LHFPL3: variants seen among roughly 807,000 people sequenced by gnomAD.
LHFPL3 encodes the protein LHFPL tetraspan subfamily member 3, also known as LHFPL tetraspan subfamily member 3 protein.
Under a neutral mutation model 19.3 loss-of-function variants are expected in LHFPL3, and 5 were observed. The ratio of observed to expected loss-of-function variants is 0.26; its 90% CI spans 0.14 to 0.54. The LOEUF (loss-of-function observed/expected upper bound fraction) is 0.54, where lower values mean the gene tolerates loss of function less well. LHFPL3 is among the 20% of genes least tolerant of loss of function. The pLI is 0.94. For synonymous variants in LHFPL3, 133 were observed against 126.2 expected (o/e 1.05, Z -0.36); for missense variants, 249 against 307.4 (o/e 0.81, Z 1.42).
intron 2 of LHFPL3, among the ~76,000 whole-genome samples, chr7:104,826,112 A>C (rs1279640416): frequency 1.3e-5 from 2 of 151,968 alleles, no homozygotes; most frequent in Admixed American, 6.5e-5. Context: ...GTTATTATTT[A>C]ATTCATTCTT....
At chr7:104,390,464 T>C (rs1211784856) in intron 1 of LHFPL3, among the ~76,000 whole-genome samples, 2 of 152,098 alleles carry the variant, frequency 1.3e-5, no homozygotes, top group Non-Finnish European at 2.9e-5. Context: ...TGTGATAGTT[T>C]GCTGAGAATG....
chr7:104,859,248 C>A (rs1214250235), intron 2 of LHFPL3, among the ~76,000 whole-genome samples: 3 of 145,904 alleles, frequency 2.1e-5, no homozygotes, highest in Non-Finnish European at 4.5e-5. Context: ...GCCTGGGCAA[C>A]AGAGTAAGAC....
intron 1 of LHFPL3, among the ~76,000 whole-genome samples, chr7:104,603,028 A>G (rs533047237): frequency 6.6e-6 from 1 of 152,148 alleles, no homozygotes; most frequent in Non-Finnish European, 1.5e-5. Context: ...CAACACTGTT[A>G]CAATGAGGAT....
intron 1 of LHFPL3, among the ~76,000 whole-genome samples, chr7:104,460,105 G>C (rs1342772091): frequency 1.3e-5 from 2 of 152,026 alleles, no homozygotes; most frequent in African/African-American, 2.4e-5. Flanking sequence ...TGTGGTATTT[G>C]GTTTTCTGTT....
At chr7:104,646,000 A>T (rs979518962) in intron 1 of LHFPL3, among the ~76,000 whole-genome samples, 4 of 152,246 alleles carry the variant, frequency 2.6e-5, no homozygotes, top group Admixed American at 1.3e-4. Flanking sequence ...TCTCCTGGAT[A>T]GGCTCCCCCA....
At chr7:104,687,966 G>T (rs930480139) in intron 1 of LHFPL3, among the ~76,000 whole-genome samples, 3 of 152,166 alleles carry the variant, frequency 2.0e-5, no homozygotes, top group Admixed American at 2.0e-4. Flanking sequence ...AGTTCCTAAT[G>T]ACCATGCATG....
intron 2 of LHFPL3, among the ~76,000 whole-genome samples, chr7:104,838,105 T>C (rs961526236): frequency 6.6e-6 from 1 of 152,210 alleles, no homozygotes; most frequent in Non-Finnish European, 1.5e-5. Context: ...CTTACCTCAA[T>C]GACCCTGGCC....
At chr7:104,412,476 C>T (rs913912013) in intron 1 of LHFPL3, among the ~76,000 whole-genome samples, 9 of 151,900 alleles carry the variant, frequency 5.9e-5, no homozygotes, top group African/African-American at 2.2e-4. Context: ...CTAGACAACA[C>T]AAAGCACCAG....
At position 104,633,038 on chromosome 7, in the gene LHFPL3, G is replaced by GA. The variant is rs1791672721; in HGVS notation, c.446-103630dup. ...ATCTCAGAATACGTGGTTTTTTTAA[G>GA]AAAAAAATTTAAGTACAAAGGGTGA... On this transcript the variant is annotated intron_variant, in intron 1 of 2. Coordinates refer to ENST00000424859, the MANE Select transcript of LHFPL3 (RefSeq NM_199000.3). Among the ~76,000 whole-genome samples, 7 of 152,082 alleles carry GA rather than the reference G, an allele frequency of 4.6e-5. No homozygotes were observed. In the South Asian group the frequency reaches 1.5e-3, roughly 32 times the overall value.
At position 104,420,865 on chromosome 7, in the gene LHFPL3, C is replaced by A. The variant is rs921978382; in HGVS notation, c.445+91641C>A. Among the ~76,000 whole-genome samples, 4 of 152,102 alleles carry A rather than the reference C, an allele frequency of 2.6e-5. No individual in the cohort carries two copies. The South Asian group carries it at 8.3e-4, about 32-fold the overall frequency. ...GCGTGAGCCACCGCGCCCGGCCCCC[C>A]AAAGGGTGAATTCAGTATAGTAGCA... is the stretch of plus-strand genomic sequence containing the variant. On this transcript the variant is annotated intron_variant, in intron 1 of 2. Transcript: ENST00000424859.
chr7:104,613,941 G>A (rs1226620960), intron 1 of LHFPL3, among the ~76,000 whole-genome samples: 1 of 152,112 alleles, frequency 6.6e-6, no homozygotes, highest in South Asian at 2.1e-4. Flanking sequence ...TTGCCAATTA[G>A]CACATAAGTT....
At chr7:104,425,143 G>A (rs117795451) in intron 1 of LHFPL3, among the ~76,000 whole-genome samples, 2,346 of 152,118 alleles carry the variant, frequency 0.015, 33 homozygotes, top group Middle Eastern at 0.024. Flanking sequence ...ACATAGTAGG[G>A]CCCAGTGAAG....
At chr7:104,642,689 TC>T (rs1159043147) in intron 1 of LHFPL3, among the ~76,000 whole-genome samples, 1 of 152,184 alleles carries the variant, frequency 6.6e-6, no homozygotes, top group Non-Finnish European at 1.5e-5. Flanking sequence ...CCTCTCTGGT[TC>T]CTTCCCATAG....
At chr7:104,420,394 G>A (rs937581907) in intron 1 of LHFPL3, among the ~76,000 whole-genome samples, 1 of 152,108 alleles carries the variant, frequency 6.6e-6, no homozygotes, top group South Asian at 2.1e-4. Context: ...CAGGGAAACC[G>A]GTGGTAACAA....
chr7:104,691,783 A>G (rs962625030), intron 1 of LHFPL3, among the ~76,000 whole-genome samples: 3 of 152,240 alleles, frequency 2.0e-5, no homozygotes, highest in African/African-American at 4.8e-5. Context: ...AGTGGTTGGA[A>G]GAGTTTGGAG....
intron 1 of LHFPL3, among the ~76,000 whole-genome samples, chr7:104,508,044 A>G (rs1584367751): frequency 6.7e-6 from 1 of 148,458 alleles, no homozygotes; most frequent in South Asian, 2.2e-4. Flanking sequence ...TGTGGAAGTC[A>G]GTGTGGTGAT....
chr7:104,367,235 C>T (rs1383611058), intron 1 of LHFPL3, among the ~76,000 whole-genome samples: 5 of 152,166 alleles, frequency 3.3e-5, no homozygotes, highest in Non-Finnish European at 7.3e-5. Context: ...AAAGTTTCTA[C>T]CTTTACTACA....
intron 1 of LHFPL3, among the ~76,000 whole-genome samples, chr7:104,591,631 C>T (rs970277017): frequency 2.0e-5 from 3 of 152,084 alleles, no homozygotes; most frequent in Non-Finnish European, 4.4e-5. Flanking sequence ...TTGTGGCGTT[C>T]TCTGTATTTC....
chr7:104,618,794 A>G (rs1791392302), intron 1 of LHFPL3, among the ~76,000 whole-genome samples: 1 of 152,224 alleles, frequency 6.6e-6, no homozygotes, highest in Non-Finnish European at 1.5e-5. Context: ...AAGATCCAGA[A>G]AGGTCATGTG....
Sources: allele counts gnomAD v4.1 joint callset (sites outside exome capture counted in the v4.1 genomes callset), GRCh38; gene constraint gnomAD v4.1.1; transcripts MANE v1.5; gene names NCBI Gene and HGNC (gene_info 2026-07-23, HGNC 2026-07-21).